LOC128092252: variants seen among roughly 807,000 people sequenced by gnomAD.
chr15:50,677,725 C>G, the LOC128092252 span, among the ~76,000 whole-genome samples: 2 of 78,124 alleles, frequency 2.6e-5, no homozygotes, highest in East Asian at 8.7e-4. Context: ...GGCAACAGAA[C>G]AAGACCCCGT....
the LOC128092252 span, among the ~76,000 whole-genome samples, chr15:50,669,280 A>T: frequency 6.7e-6 from 1 of 148,756 alleles, no homozygotes; most frequent in Admixed American, 6.6e-5. Flanking sequence ...CTAAAAATAC[A>T]AAAAATTAGC....
the LOC128092252 span, among the ~76,000 whole-genome samples, chr15:50,683,179 C>A: frequency 6.6e-6 from 1 of 151,720 alleles, no homozygotes. Flanking sequence ...TGAGCCACTG[C>A]ACCCTGACCC....
chr15:50,676,295 G>GAAATCA, the LOC128092252 span, among the ~76,000 whole-genome samples: 1 of 152,106 alleles, frequency 6.6e-6, no homozygotes, highest in Non-Finnish European at 1.5e-5. Context: ...GTAACATGTG[G>GAAATCA]AAATCAAATT....
At chr15:50,665,798 C>T in the LOC128092252 span, among the ~76,000 whole-genome samples, 1 of 152,078 alleles carries the variant, frequency 6.6e-6, no homozygotes, top group African/African-American at 2.4e-5. Flanking sequence ...AGCTCAAGAC[C>T]AGCCTGACCA....
chr15:50,656,525 A>C, the LOC128092252 span, among the ~76,000 whole-genome samples: 3 of 147,260 alleles, frequency 2.0e-5, no homozygotes, highest in Admixed American at 6.8e-5. Flanking sequence ...TGGTAGACAC[A>C]GGGTCTCACT....
At chr15:50,666,374 G>T in the LOC128092252 span, among the ~76,000 whole-genome samples, 1 of 152,096 alleles carries the variant, frequency 6.6e-6, no homozygotes. Context: ...CAGGGAGCTC[G>T]AGGCTGCAGC....
chr15:50,686,427 C>T, the LOC128092252 span: 3 of 1,589,560 alleles, frequency 1.9e-6, no homozygotes, highest in Non-Finnish European at 1.7e-6. Context: ...GAGGGTCCTT[C>T]GCCGCATGGA....
chr15:50,667,392 TTTGA>T, the LOC128092252 span, among the ~76,000 whole-genome samples: 2 of 152,186 alleles, frequency 1.3e-5, no homozygotes, highest in African/African-American at 2.4e-5. Context: ...ATGAAAGAGC[TTTGA>T]TTAACTGGTT....
chr15:50,664,242 G>C, the LOC128092252 span, among the ~76,000 whole-genome samples: 1 of 149,920 alleles, frequency 6.7e-6, no homozygotes, highest in South Asian at 2.1e-4. Context: ...CCAGGGAGTC[G>C]GAGGTTGCAG....
chr15:50,661,546 A>G, the LOC128092252 span, among the ~76,000 whole-genome samples: 2 of 151,992 alleles, frequency 1.3e-5, no homozygotes, highest in African/African-American at 4.8e-5. Context: ...CAAAGTTAAG[A>G]ATTTTTTAAA....
the LOC128092252 span, among the ~76,000 whole-genome samples, chr15:50,679,538 A>ATATATTTTTTTTTTTTT: frequency 1.2e-3 from 54 of 43,848 alleles, no homozygotes; most frequent in African/African-American, 5.7e-3. Flanking sequence ...ATATATATAT[A>ATATATTTTTTTTTTTTT]TTTTTTTTTT....
chr15:50,684,954 G>T, the LOC128092252 span, among the ~76,000 whole-genome samples: 1 of 152,116 alleles, frequency 6.6e-6, no homozygotes, highest in South Asian at 2.1e-4. Context: ...TTAATTTTTA[G>T]GCATGATAAT....
the LOC128092252 span, chr15:50,686,509 C>T: frequency 4.3e-6 from 7 of 1,613,896 alleles, no homozygotes; most frequent in South Asian, 7.7e-5. Context: ...ATTCCCCGCC[C>T]GGGCCTGCGT....
At chr15:50,662,529 T>A in the LOC128092252 span, among the ~76,000 whole-genome samples, 11 of 152,186 alleles carry the variant, frequency 7.2e-5, no homozygotes, top group Non-Finnish European at 1.2e-4. Context: ...ATCTATATAT[T>A]GGCAAACAAA....
the LOC128092252 span, among the ~76,000 whole-genome samples, chr15:50,658,227 G>A: frequency 2.0e-5 from 3 of 151,860 alleles, no homozygotes; most frequent in Admixed American, 1.3e-4. Flanking sequence ...GGATGGTCTC[G>A]ATCTCCTGAC....
the LOC128092252 span, among the ~76,000 whole-genome samples, chr15:50,668,510 G>C: frequency 6.6e-6 from 1 of 151,896 alleles, no homozygotes; most frequent in African/African-American, 2.4e-5. Context: ...ATTTGTTTTT[G>C]TTTTTTGTTT....
At chr15:50,660,515 C>T in the LOC128092252 span, among the ~76,000 whole-genome samples, 2 of 152,162 alleles carry the variant, frequency 1.3e-5, no homozygotes, top group East Asian at 1.9e-4. Context: ...ATTAAGTGGG[C>T]GTGGTAGCGC....
At chr15:50,667,665 C>T in the LOC128092252 span, among the ~76,000 whole-genome samples, 1 of 152,180 alleles carries the variant, frequency 6.6e-6, no homozygotes, top group African/African-American at 2.4e-5. Flanking sequence ...CAAGACTGTG[C>T]CACTGCACTC....
the LOC128092252 span, among the ~76,000 whole-genome samples, chr15:50,653,240 G>C: frequency 6.6e-6 from 1 of 152,146 alleles, no homozygotes; most frequent in Non-Finnish European, 1.5e-5. Context: ...AGCTTGAGCC[G>C]AGGACTTCAA....
Sources: gnomAD v4.1 joint callset for allele counts (sites outside exome capture counted in the v4.1 genomes callset) on GRCh38, gnomAD v4.1.1 for gene constraint, MANE v1.5 for transcripts.